ME1: variants seen among roughly 807,000 people sequenced by gnomAD.
ME1 encodes malic enzyme 1.
A neutral mutation model predicts 66.4 loss-of-function variants in ME1; 74 were observed. The observed-to-expected ratio is 1.11, with a 90% CI of 0.92 to 1.35. The LOEUF is 1.35. Among genes scored for constraint, ME1 ranks in the 40% most tolerant of loss-of-function variants. The pLI is 0.00. For missense variants in ME1, 750 were observed against 694.1 expected (o/e 1.08, Z -0.90); for synonymous variants, 251 against 235.6 (o/e 1.07, Z -0.60).
chr6:83,274,269 G>T (rs1030459754), intron 6 of ME1, among the ~76,000 whole-genome samples: 1 of 152,088 alleles, frequency 6.6e-6, no homozygotes, highest in Non-Finnish European at 1.5e-5. Context: ...TGGAGAAAAA[G>T]AACATGTTTG....
At chr6:83,306,959 A>G (rs923626960) in intron 6 of ME1, among the ~76,000 whole-genome samples, 4 of 152,138 alleles carry the variant, frequency 2.6e-5, no homozygotes, top group Admixed American at 6.6e-5. Flanking sequence ...TTAGAATAAA[A>G]TGGAATTAGG....
chr6:83,223,678 A>G, intron 12 of ME1, 82 bp downstream of exon 12: 1 of 1,296,262 alleles, frequency 7.7e-7, no homozygotes, highest in Non-Finnish European at 1.1e-6. Context: ...CTGAGATGCT[A>G]GATAAATAAA....
At chr6:83,222,155 G>C (rs1354743072) in intron 12 of ME1, among the ~76,000 whole-genome samples, 1 of 152,148 alleles carries the variant, frequency 6.6e-6, no homozygotes, top group Non-Finnish European at 1.5e-5. Flanking sequence ...TATTCTAAAA[G>C]ACAATGATTA....
intron 12 of ME1, among the ~76,000 whole-genome samples, chr6:83,221,402 G>T (rs543135400): frequency 6.6e-6 from 1 of 152,314 alleles, no homozygotes; most frequent in African/African-American, 2.4e-5. Flanking sequence ...TAATTCTCAG[G>T]TCTTTCCAGA....
intron 2 of ME1, among the ~76,000 whole-genome samples, chr6:83,404,313 T>C (rs1443592502): frequency 1.3e-5 from 2 of 152,218 alleles, no homozygotes; most frequent in Non-Finnish European, 2.9e-5. Flanking sequence ...TTTTGAGAAG[T>C]GTCCGTTCAT....
chr6:83,290,378 A>T (rs112413349), intron 6 of ME1, among the ~76,000 whole-genome samples: 5,925 of 152,058 alleles, frequency 0.039, 390 homozygotes, highest in African/African-American at 0.13. Context: ...CCTTCATTTC[A>T]TTATTTACCC....
chr6:83,362,211 T>C (rs1253291535), intron 3 of ME1, among the ~76,000 whole-genome samples: 1 of 152,232 alleles, frequency 6.6e-6, no homozygotes, highest in Non-Finnish European at 1.5e-5. Flanking sequence ...TATACACGGA[T>C]TCATGGGCTG....
intron 5 of ME1, among the ~76,000 whole-genome samples, chr6:83,328,726 T>G (rs1768348570): frequency 1.3e-5 from 2 of 152,128 alleles, no homozygotes; most frequent in Non-Finnish European, 2.9e-5. Flanking sequence ...ACTCAATAGA[T>G]CACTGTTAGA....
chr6:83,429,925 G>GCA (rs776108868), intron 1 of ME1, among the ~76,000 whole-genome samples: 36 of 151,568 alleles, frequency 2.4e-4, no homozygotes, highest in East Asian at 1.5e-3. Context: ...CAAAGCGCAC[G>GCA]CACACACACA....
At chr6:83,283,019 G>T (rs1357276371) in intron 6 of ME1, among the ~76,000 whole-genome samples, 1 of 151,286 alleles carries the variant, frequency 6.6e-6, no homozygotes, top group African/African-American at 2.4e-5. Flanking sequence ...ACGAGGTCAG[G>T]AGATCGAGAC....
At chr6:83,306,323 G>T (rs1456526134) in intron 6 of ME1, among the ~76,000 whole-genome samples, 2 of 151,816 alleles carry the variant, frequency 1.3e-5, no homozygotes, top group Non-Finnish European at 2.9e-5. Flanking sequence ...ATGGTATACA[G>T]ATTATTTTGA....
chr6:83,391,226 G>A (rs948582922), intron 3 of ME1, among the ~76,000 whole-genome samples: 3 of 152,062 alleles, frequency 2.0e-5, no homozygotes, highest in Non-Finnish European at 4.4e-5. Context: ...TGAGGAAACC[G>A]AAGCACAGAA....
At chr6:83,417,511 G>A (rs1227618787) in intron 1 of ME1, among the ~76,000 whole-genome samples, 1 of 152,106 alleles carries the variant, frequency 6.6e-6, no homozygotes, top group Non-Finnish European at 1.5e-5. Flanking sequence ...CTCCTAAGCA[G>A]GTGGGACTAC....
intron 5 of ME1, 104 bp from the exon 6 acceptor site, chr6:83,315,517 T>C (rs1183512037): frequency 1.5e-6 from 1 of 679,206 alleles, no homozygotes; most frequent in East Asian, 2.7e-5. Flanking sequence ...AGAAATAAAA[T>C]CTTACCATAC....
intron 3 of ME1, among the ~76,000 whole-genome samples, chr6:83,368,522 C>T (rs1049572354): frequency 6.6e-6 from 1 of 152,084 alleles, no homozygotes; most frequent in Non-Finnish European, 1.5e-5. Flanking sequence ...AATTACATTA[C>T]TTTTATGGTC....
At chr6:83,409,755 C>A (rs1486732482) in intron 1 of ME1, among the ~76,000 whole-genome samples, 1 of 152,164 alleles carries the variant, frequency 6.6e-6, no homozygotes, top group East Asian at 1.9e-4. Context: ...AGTGCACAAC[C>A]TTCAATTCTC....
At chr6:83,317,382 C>A (rs981577243) in intron 5 of ME1, among the ~76,000 whole-genome samples, 8 of 151,768 alleles carry the variant, frequency 5.3e-5, no homozygotes, top group Non-Finnish European at 8.8e-5. Flanking sequence ...TCCTTCACAT[C>A]CCTTGTAAGT....
chr6:83,291,652 T>G (rs944127270), intron 6 of ME1, among the ~76,000 whole-genome samples: 1 of 152,120 alleles, frequency 6.6e-6, no homozygotes, highest in Non-Finnish European at 1.5e-5. Context: ...TTTCCTGAAT[T>G]TGAATGTTGG....
At chr6:83,326,625 T>TG (rs1022818474) in intron 5 of ME1, among the ~76,000 whole-genome samples, 18 of 151,594 alleles carry the variant, frequency 1.2e-4, no homozygotes, top group Non-Finnish European at 2.2e-4. Context: ...CCAAAAAACA[T>TG]AAAAAAAAGC....
Sources: allele counts gnomAD v4.1 joint callset (sites outside exome capture counted in the v4.1 genomes callset), GRCh38; gene constraint gnomAD v4.1.1; transcripts MANE v1.5; gene names NCBI Gene and HGNC (gene_info 2026-07-23, HGNC 2026-07-21).